The following MTUS2 variants were observed in gnomAD, a reference collection of about 807,000 sequenced individuals.
MTUS2 encodes the protein microtubule-associated tumor suppressor candidate 2.
In MTUS2, 40 loss-of-function variants were observed where a neutral mutation model predicts 114.1. The observed-to-expected ratio is 0.35, with a 90% CI of 0.27 to 0.46. The LOEUF (loss-of-function observed/expected upper bound fraction) is 0.46, where lower values mean the gene tolerates loss of function less well. MTUS2 is among the 20% of genes least tolerant of loss of function. MTUS2 has a pLI of 1.00. For synonymous variants in MTUS2, 688 were observed against 672.0 expected (o/e 1.02, Z -0.37); for missense variants, 1,679 against 1,705.4 (o/e 0.98, Z 0.27).
intron 5 of MTUS2, among the ~76,000 whole-genome samples, chr13:29,117,954 C>T (rs1536714): frequency 0.03 from 4,567 of 152,192 alleles, 232 homozygotes; most frequent in African/African-American, 0.1. Flanking sequence ...TGGAGAAATG[C>T]GCTAATTAGG....
chr13:29,220,170 G>GGT (rs1895852364), intron 5 of MTUS2, among the ~76,000 whole-genome samples: 1 of 151,140 alleles, frequency 6.6e-6, no homozygotes, highest in Non-Finnish European at 1.5e-5. Context: ...TGACTTTTTT[G>GGT]TTTTTTTTTA....
At chr13:28,899,613 T>C (rs188971830) in intron 2 of MTUS2, among the ~76,000 whole-genome samples, 4 of 152,216 alleles carry the variant, frequency 2.6e-5, no homozygotes, top group Admixed American at 1.3e-4. Context: ...GGTTTCACCC[T>C]GTTAGCCAGG....
In MTUS2 at chr13:29,195,539, G is replaced by GAAAAAAAA. The variant is rs59726006; in HGVS notation, c.2645-86150_2645-86143dup. 1.3e-4 allele frequency among the ~76,000 whole-genome samples: 10 copies of GAAAAAAAA among 78,526 alleles called. No homozygotes were observed. In the South Asian group the frequency reaches 2.4e-3, roughly 19 times the overall value. 51.5% of individuals were successfully genotyped at this position (78,526 alleles called of 152,430 possible). ...CCATCACAGATTAAAACTTAATTCT[G>GAAAAAAAA]AAAAAAAAAAAAAAAAAAAAAAGAG... is the stretch of plus-strand genomic sequence containing the variant. On this transcript the variant is annotated intron_variant, in intron 5 of 15. Coordinates refer to ENST00000612955, the MANE Select transcript of MTUS2 (RefSeq NM_001033602.4).
intron 7 of MTUS2, among the ~76,000 whole-genome samples, chr13:29,335,473 C>T (rs1901010755): frequency 6.6e-6 from 1 of 152,134 alleles, no homozygotes; most frequent in African/African-American, 2.4e-5. Flanking sequence ...TATTTTATTA[C>T]CTTGTGAAGC....
At chr13:29,448,202 A>G (rs1345874091) in intron 9 of MTUS2, among the ~76,000 whole-genome samples, 2 of 152,154 alleles carry the variant, frequency 1.3e-5, no homozygotes, top group African/African-American at 4.8e-5. Flanking sequence ...AAAACATGCA[A>G]TGCAGCGGTG....
At chr13:29,264,958 G>T (rs1009414145) in intron 5 of MTUS2, among the ~76,000 whole-genome samples, 1 of 152,204 alleles carries the variant, frequency 6.6e-6, no homozygotes, top group Non-Finnish European at 1.5e-5. Flanking sequence ...GCAAGTGGTT[G>T]CTCCATAGTC....
At chr13:28,960,988 TAATA>T (rs1215817740) in intron 2 of MTUS2, among the ~76,000 whole-genome samples, 1 of 151,682 alleles carries the variant, frequency 6.6e-6, no homozygotes, top group Non-Finnish European at 1.5e-5. Flanking sequence ...CTGAAAAATA[TAATA>T]AATAACTCAA....
intron 5 of MTUS2, among the ~76,000 whole-genome samples, chr13:29,134,274 A>G (rs1406088587): frequency 6.6e-6 from 1 of 152,122 alleles, no homozygotes; most frequent in East Asian, 1.9e-4. Context: ...TTTAAAATCT[A>G]TTGAAGCTTA....
intron 2 of MTUS2, among the ~76,000 whole-genome samples, chr13:28,892,496 A>AT (rs1878991751): frequency 6.6e-6 from 1 of 152,222 alleles, no homozygotes; most frequent in Admixed American, 6.5e-5. Flanking sequence ...CTAACATTTT[A>AT]TAGCAAGACA....
intron 2 of MTUS2, among the ~76,000 whole-genome samples, chr13:28,856,505 G>A (rs1876638071): frequency 6.6e-6 from 1 of 152,198 alleles, no homozygotes; most frequent in African/African-American, 2.4e-5. Context: ...GGGAAAGCAG[G>A]CAGGATCTTG....
At chr13:29,266,679 C>T (rs1389597797) in intron 5 of MTUS2, among the ~76,000 whole-genome samples, 1 of 152,208 alleles carries the variant, frequency 6.6e-6, no homozygotes, top group African/African-American at 2.4e-5. Context: ...ACTGTGACTA[C>T]ATTCCCAGGA....
intron 2 of MTUS2, among the ~76,000 whole-genome samples, chr13:28,880,577 G>C (rs951714563): frequency 6.6e-6 from 1 of 152,136 alleles, no homozygotes; most frequent in Admixed American, 6.5e-5. Context: ...GAAAAAACAA[G>C]TCATAATGTA....
intron 2 of MTUS2, among the ~76,000 whole-genome samples, chr13:28,939,547 A>G (rs2138125535): frequency 6.6e-6 from 1 of 152,336 alleles, no homozygotes; most frequent in East Asian, 1.9e-4. Context: ...AATGTTTGCC[A>G]TGCTACATAA....
At chr13:29,160,019 A>T (rs1388946032) in intron 5 of MTUS2, among the ~76,000 whole-genome samples, 1 of 152,236 alleles carries the variant, frequency 6.6e-6, no homozygotes, top group African/African-American at 2.4e-5. Context: ...ATGAAGACTT[A>T]CGTTCACACA....
At chr13:28,833,686 A>G (rs1874864414) in intron 1 of MTUS2, among the ~76,000 whole-genome samples, 3 of 152,108 alleles carry the variant, frequency 2.0e-5, no homozygotes, top group Admixed American at 1.3e-4. Flanking sequence ...TCAGCCTAAT[A>G]CTGGATGTTC....
chr13:29,255,428 T>C (rs1021121533), intron 5 of MTUS2, among the ~76,000 whole-genome samples: 1 of 152,212 alleles, frequency 6.6e-6, no homozygotes, highest in Admixed American at 6.5e-5. Flanking sequence ...ACTAAAGAAC[T>C]CACCCATATT....
At chr13:29,321,014 C>T (rs910883120) in intron 6 of MTUS2, among the ~76,000 whole-genome samples, 2 of 152,140 alleles carry the variant, frequency 1.3e-5, no homozygotes, top group African/African-American at 4.8e-5. Flanking sequence ...AGAAGTTAAC[C>T]AGCTCCATTT....
At chr13:29,138,600 G>C (rs1286239312) in intron 5 of MTUS2, among the ~76,000 whole-genome samples, 1 of 151,182 alleles carries the variant, frequency 6.6e-6, no homozygotes, top group East Asian at 1.9e-4. Flanking sequence ...GATGACTAAT[G>C]AGTGCAGGGT....
chr13:29,420,030 A>T (rs2138587913), intron 8 of MTUS2, among the ~76,000 whole-genome samples: 1 of 152,296 alleles, frequency 6.6e-6, no homozygotes, highest in South Asian at 2.1e-4. Context: ...AAATAGAGTC[A>T]TTAGCATCTT....
Sources: allele counts gnomAD v4.1 joint callset (sites outside exome capture counted in the v4.1 genomes callset), GRCh38; gene constraint gnomAD v4.1.1; transcripts MANE v1.5; gene names NCBI Gene and HGNC (gene_info 2026-07-23, HGNC 2026-07-21).